The following UBA6 variants were observed in gnomAD, a reference collection of about 807,000 sequenced individuals.
UBA6 encodes ubiquitin-like modifier-activating enzyme 6.
Under a neutral mutation model 148.3 loss-of-function variants are expected in UBA6, and 87 were observed. The observed-to-expected ratio is 0.59, with a 90% confidence interval of 0.49 to 0.70. UBA6 has a LOEUF of 0.70. Ranked by LOEUF, UBA6 falls within the 30% of genes least tolerant of loss-of-function variation. The probability of loss-of-function intolerance (pLI) is 0.00; values close to 1 mark genes in which losing one functional copy is unlikely to be tolerated. For missense variants in UBA6, 1,186 were observed against 1,241.2 expected (o/e 0.96, Z 0.67); for synonymous variants, 376 against 401.0 (o/e 0.94, Z 0.75).
chr4:67,650,219 T>C (rs769452653), intron 13 of UBA6, among the ~76,000 whole-genome samples: 1 of 152,214 alleles, frequency 6.6e-6, no homozygotes, highest in Non-Finnish European at 1.5e-5. Context: ...TGCCAGGTTA[T>C]CTATTAAGTC....
At chr4:67,669,667 A>G (rs1362744256) in intron 8 of UBA6, among the ~76,000 whole-genome samples, 2 of 152,162 alleles carry the variant, frequency 1.3e-5, no homozygotes, top group East Asian at 3.9e-4. Flanking sequence ...GAAAATTTAG[A>G]CTTTTGAATC....
chr4:67,636,538 C>T (rs954441886), intron 19 of UBA6, among the ~76,000 whole-genome samples: 18 of 152,312 alleles, frequency 1.2e-4, no homozygotes, highest in African/African-American at 3.8e-4. Context: ...ATTGCAGGCG[C>T]GCACCGCCAC....
In UBA6 at chr4:67,634,444, C is replaced by T. The variant is rs556786846; in HGVS notation, c.1917G>A (p.Gln639=). ...SFPAAIEHTI[Q]WARDKFESSF... ...GAACTTTTACCTTATCTCTTGCCCA[C>T]TGTATGGTATGTTCAATAGCAGCTG... Residue 639 remains glutamine (Q), a synonymous_variant, in exon 21 of 33, where the codon CAG becomes CAA. Coordinates refer to ENST00000322244, the MANE Select transcript of UBA6 (RefSeq NM_018227.6). 5.7e-5 allele frequency: 90 copies of T among 1,585,170 alleles called. 1 individual carries two copies. The South Asian group carries it at 9.5e-4, about 17-fold the overall frequency.
In UBA6 at chr4:67,613,638, A is replaced by C. The variant is rs903691501; in HGVS notation, c.*5359T>G. 4 of 152,202 alleles carry C rather than the reference A, an allele frequency of 2.6e-5. No homozygotes were observed. Among genetic ancestry groups the C allele is most frequent in the Admixed American group, 2.6e-4 (4 of 15,274 alleles). 9.4% of individuals were successfully genotyped at this position (152,202 alleles called of 1,614,324 possible). A position where few individuals can be genotyped will look rare whatever the true frequency, so the allele number is the denominator to read the frequency against. On this transcript the variant is annotated 3_prime_UTR_variant, in exon 33 of 33. Transcript: ENST00000322244. Reference sequence around the variant, plus strand: ...GCTACAATGATGATGATGATGGTATACTAGCACAGGGATAGAAAAAAGGGA... The same window carrying C: ...GCTACAATGATGATGATGATGGTATCCTAGCACAGGGATAGAAAAAAGGGA...
chr4:67,617,548 T>C lies in UBA6; in HGVS notation c.*1449A>G, dbSNP rs1316714412. Reference sequence around the variant, plus strand: ...TACAAATTCACTCTCCACTTCCACATACATTTTCCCCACTTGATGGTACTT... The same window carrying C: ...TACAAATTCACTCTCCACTTCCACACACATTTTCCCCACTTGATGGTACTT... On this transcript the variant is annotated 3_prime_UTR_variant, in exon 33 of 33. Coordinates refer to ENST00000322244, the MANE Select transcript of UBA6 (RefSeq NM_018227.6). 1 of 152,124 alleles carries C rather than the reference T, an allele frequency of 6.6e-6. No homozygotes were observed. The highest frequency in any genetic ancestry group is 1.5e-5 in the Non-Finnish European group (1 of 67,962). The allele number at this position is 152,124 out of a possible 1,614,324, so 9.4% of individuals were successfully genotyped here.
At position 67,631,594 on chromosome 4, in the gene UBA6, G is replaced by A. The variant is rs7667814; in HGVS notation, c.2258+114C>T. On this transcript the variant is annotated intron_variant, in intron 25 of 32. Coordinates refer to ENST00000322244, the MANE Select transcript of UBA6 (RefSeq NM_018227.6). ...TGTTAACTCTTAAATGAACAGGGAT[G>A]AAATAATTTAACATTAAAGAGCCTA... 9.8e-4 allele frequency: 770 copies of A among 789,554 alleles called. 5 individuals carry two copies. The African/African-American group carries it at 0.012, about 12-fold the overall frequency. 48.9% of individuals were successfully genotyped at this position (789,554 alleles called of 1,614,324 possible). A position where few individuals can be genotyped will look rare whatever the true frequency, so the allele number is the denominator to read the frequency against.
chr4:67,625,445 T>C (rs1043818712), intron 28 of UBA6, among the ~76,000 whole-genome samples: 2 of 151,552 alleles, frequency 1.3e-5, no homozygotes, highest in Admixed American at 1.3e-4. Flanking sequence ...GAGACGTTTC[T>C]GTATTTAAAA....
chr4:67,676,316 G>A (rs1388484632), intron 6 of UBA6, among the ~76,000 whole-genome samples: 4 of 152,112 alleles, frequency 2.6e-5, no homozygotes, highest in Admixed American at 6.5e-5. Context: ...GAGCCACCGC[G>A]CCCAGCCTAT....
chr4:67,624,937 A>G, intron 29 of UBA6, 57 bp downstream of exon 29: 1 of 1,432,344 alleles, frequency 7.0e-7, no homozygotes, highest in Non-Finnish European at 9.6e-7. Flanking sequence ...ATGACGGGGA[A>G]GTCAGGGAAG....
chr4:67,663,458 T>A, intron 11 of UBA6: 1 of 400,584 alleles, frequency 2.5e-6, no homozygotes, highest in Non-Finnish European at 4.4e-6. Flanking sequence ...TTGGAAACTG[T>A]TAGTTCCTTC....
Position 67,690,282 on chromosome 4 carries a change from A to G in UBA6, c.134+6363T>C, listed in dbSNP as rs141919408. ...TGCAAAAGAATGAAACTGGACCCTT[A>G]TACCATACAAAATAATCAAATCAAA... On this transcript the variant is annotated intron_variant, in intron 2 of 32. Transcript: ENST00000322244. Among the ~76,000 whole-genome samples the G allele has an allele frequency of 3.7e-3, 567 of 152,220 alleles. 3 individuals are homozygous for G. Among genetic ancestry groups the G allele is most frequent in the African/African-American group, 0.013 (546 of 41,564 alleles).
chr4:67,642,320 T>C (rs1729327073), intron 17 of UBA6, among the ~76,000 whole-genome samples: 1 of 152,122 alleles, frequency 6.6e-6, no homozygotes. Flanking sequence ...TGACTTAAGA[T>C]CTAAAATTTA....
At chr4:67,665,404 C>T (rs1729968632) in intron 9 of UBA6, 112 bp from the exon 10 acceptor site, 2 of 637,628 alleles carry the variant, frequency 3.1e-6, no homozygotes, top group East Asian at 3.4e-5. Context: ...TAAAGAATTC[C>T]AGCATAGTGT....
At chr4:67,678,675 G>A in intron 4 of UBA6, 142 bp from the exon 5 acceptor site, 1 of 434,816 alleles carries the variant, frequency 2.3e-6, no homozygotes, top group Non-Finnish European at 4.2e-6. Flanking sequence ...ATTAAAATAT[G>A]TAAAGATGTT....
At chr4:67,672,404 T>C (rs1409240808) in intron 7 of UBA6, among the ~76,000 whole-genome samples, 1 of 152,144 alleles carries the variant, frequency 6.6e-6, no homozygotes, top group Admixed American at 6.6e-5. Flanking sequence ...CTTAGTAATA[T>C]GAAAATAAAA....
chr4:67,626,591 A>T, intron 27 of UBA6, 114 bp from the exon 28 acceptor site: 2 of 670,574 alleles, frequency 3.0e-6, no homozygotes, highest in Non-Finnish European at 5.0e-6. Context: ...ATATATTTTG[A>T]TCAGATTATT....
intron 13 of UBA6, 60 bp downstream of exon 13, chr4:67,662,129 T>G: frequency 6.6e-7 from 1 of 1,512,240 alleles, no homozygotes; most frequent in Non-Finnish European, 9.2e-7. Flanking sequence ...AATACTAATA[T>G]ACAGAACACT....
At chr4:67,693,958 T>C (rs1428145918) in intron 2 of UBA6, among the ~76,000 whole-genome samples, 1 of 151,854 alleles carries the variant, frequency 6.6e-6, no homozygotes, top group Non-Finnish European at 1.5e-5. Flanking sequence ...CTCGCGCCTG[T>C]AATCCCAGCA....
chr4:67,698,985 A>C (rs1730907348), intron 1 of UBA6, among the ~76,000 whole-genome samples: 2 of 152,118 alleles, frequency 1.3e-5, no homozygotes, highest in African/African-American at 4.8e-5. Context: ...AAACAAAACA[A>C]AAAAACCCTG....
Sources: gnomAD v4.1 joint callset for allele counts (sites outside exome capture counted in the v4.1 genomes callset) on GRCh38, gnomAD v4.1.1 for gene constraint, MANE v1.5 for transcripts, NCBI Gene and HGNC (gene_info 2026-07-23, HGNC 2026-07-21) for gene names.